PCDHA3: variants seen among roughly 807,000 people sequenced by gnomAD.
PCDHA3 encodes protocadherin alpha-3.
In PCDHA3, 41 loss-of-function variants were observed where a neutral mutation model predicts 62.2. The ratio of observed to expected loss-of-function variants is 0.66; its 90% CI spans 0.51 to 0.86. The LOEUF is 0.86. Ranked by LOEUF, PCDHA3 falls within the 40% of genes least tolerant of loss-of-function variation. The probability of loss-of-function intolerance (pLI) is 0.00; values close to 1 mark genes in which losing one functional copy is unlikely to be tolerated. For missense variants in PCDHA3, 1,304 were observed against 1,241.2 expected, an observed-to-expected ratio of 1.05 and a Z score of -0.76; for synonymous variants, 640 against 555.4, an observed-to-expected ratio of 1.15 and a Z score of -2.14.
At chr5:140,968,852 A>G (rs1554231175) in intron 1 of PCDHA3, 1 of 1,614,196 alleles carries the variant, frequency 6.2e-7, no homozygotes, top group Non-Finnish European at 8.5e-7. Flanking sequence ...GAGGCATGTT[A>G]AGAGCCCTCG....
At chr5:140,984,784 A>G (rs1022121650) in intron 3 of PCDHA3, among the ~76,000 whole-genome samples, 4 of 152,168 alleles carry the variant, frequency 2.6e-5, no homozygotes, top group Non-Finnish European at 4.4e-5. Context: ...TTGCTGGGTG[A>G]GCATAGACAA....
intron 1 of PCDHA3, chr5:140,869,884 G>C: frequency 1.9e-6 from 3 of 1,610,396 alleles, no homozygotes; most frequent in Non-Finnish European, 2.5e-6. Context: ...AGAAACTCTT[G>C]TGCTCAAACT....
Position 140,802,941 on chromosome 5 carries a change from C to T in PCDHA3, c.1744C>T (p.Pro582Ser), listed in dbSNP as rs780506250. 6.8e-6 allele frequency: 11 copies of T among 1,613,848 alleles called. No individual in the cohort carries two copies. The highest frequency in any genetic ancestry group is 7.6e-6 in the Non-Finnish European group (9 of 1,179,888). The change falls in exon 1 of 4, where the codon CCG (proline) becomes TCG (serine). Residue 582 changes from proline to serine, a missense_variant. By Grantham distance (74) the Pro-to-Ser change is moderately conservative (BLOSUM62 -1). Coordinates refer to ENST00000522353, the MANE Select transcript of PCDHA3 (RefSeq NM_018906.3). Reference sequence around the variant, plus strand: ...CGGTGGCGCAGTGAGCGAGCTGGTGCCGCGGTCAGTGGGTGCGGGCCACGT... The same window carrying T: ...CGGTGGCGCAGTGAGCGAGCTGGTGTCGCGGTCAGTGGGTGCGGGCCACGT... Reference protein sequence around the residue: ...GIGGAVSELVPRSVGAGHVVA... With the variant: ...GIGGAVSELVSRSVGAGHVVA...
intron 1 of PCDHA3, chr5:140,883,793 T>C (rs782783912): frequency 6.2e-7 from 1 of 1,612,328 alleles, no homozygotes; most frequent in South Asian, 1.1e-5. Flanking sequence ...GAGCTACGTG[T>C]CGGTGCACGC....
In PCDHA3 at chr5:140,928,366, C is replaced by T. The variant is rs73793524; in HGVS notation, c.2395-50583C>T. 1.5e-3 allele frequency: 2,439 copies of T among 1,614,110 alleles called. 35 individuals carry two copies. In the African/African-American group the frequency reaches 0.03, roughly 20 times the overall value. ...GCTGTTGGATGTTATCTCTGAAGGG[C>T]CATCAGCCTCTAGCTTGCTGGCAGT... On this transcript the variant is annotated intron_variant, in intron 1 of 3. Coordinates refer to ENST00000522353, the MANE Select transcript of PCDHA3 (RefSeq NM_018906.3).
At chr5:140,960,065 C>G (rs953730101) in intron 1 of PCDHA3, among the ~76,000 whole-genome samples, 1 of 152,120 alleles carries the variant, frequency 6.6e-6, no homozygotes, top group Non-Finnish European at 1.5e-5. Flanking sequence ...ACAGAAGATT[C>G]AATTGAAGTT....
chr5:140,881,757 A>G (rs1238055344), intron 1 of PCDHA3, among the ~76,000 whole-genome samples: 1 of 152,166 alleles, frequency 6.6e-6, no homozygotes, highest in Non-Finnish European at 1.5e-5. Flanking sequence ...TACCACAAAA[A>G]CCTACATGAC....
chr5:140,803,046 G>A lies in PCDHA3; in HGVS notation c.1849G>A (p.Gly617Ser), dbSNP rs1554122549. The change falls in exon 1 of 4, where the codon GGT becomes AGT. Residue 617 changes from glycine (G) to serine (S), a missense_variant. Gly to Ser is a moderately conservative substitution (Grantham distance 56). Transcript: ENST00000522353. Reference sequence around the variant, plus strand: ...GTATGAGCTGCAGCCTGGGACCGGCGGTGCGCGCATCCCGTTTCGCGTGGG... The same window carrying A: ...GTATGAGCTGCAGCCTGGGACCGGCAGTGCGCGCATCCCGTTTCGCGTGGG... Reference protein sequence around the residue: ...LSYELQPGTGGARIPFRVGLY... With the variant: ...LSYELQPGTGSARIPFRVGLY... 3.1e-6 allele frequency: 5 copies of A among 1,614,006 alleles called. No homozygotes were observed. The Admixed American group carries it at 6.7e-5, about 22-fold the overall frequency.
intron 1 of PCDHA3, chr5:140,843,236 G>A (rs1778700503): frequency 6.3e-7 from 1 of 1,595,846 alleles, no homozygotes; most frequent in Non-Finnish European, 8.6e-7. Flanking sequence ...TGTCCTGGAC[G>A]AAGCGGACTC....
At chr5:140,869,217 G>T in intron 1 of PCDHA3, 4 of 1,613,842 alleles carry the variant, frequency 2.5e-6, no homozygotes, top group South Asian at 2.2e-5. Flanking sequence ...TCTCGGAGGA[G>T]GCCAAACACG....
At chr5:140,805,536 A>G (rs2149985319) in intron 1 of PCDHA3, 1 of 986,254 alleles carries the variant, frequency 1.0e-6, no homozygotes, top group Non-Finnish European at 1.2e-6. Flanking sequence ...CAGGATGAAA[A>G]TAACTTTATG....
intron 1 of PCDHA3, among the ~76,000 whole-genome samples, chr5:140,914,725 T>C (rs1317424827): frequency 6.6e-6 from 1 of 152,164 alleles, no homozygotes; most frequent in African/African-American, 2.4e-5. Flanking sequence ...TTATTTTTTG[T>C]GTATCCATTG....
At position 140,823,656 on chromosome 5, in the gene PCDHA3, A is replaced by T. The variant is rs2150127966; in HGVS notation, c.2394+20065A>T. On this transcript the variant is annotated intron_variant, in intron 1 of 3. Transcript: ENST00000522353. ...TCCCGTTCCGCGTGGGGCTGTACAC[A>T]GGCGAGATCAGCACAACACGCTCTC... 9 of 1,613,854 alleles carry T rather than the reference A, an allele frequency of 5.6e-6. No homozygotes were observed. In the African/African-American group the frequency reaches 8.0e-5, roughly 14 times the overall value.
Position 140,904,868 on chromosome 5 carries a change from C to T in PCDHA3, c.2395-74081C>T, listed in dbSNP as rs188578381. 2.9e-3 allele frequency among the ~76,000 whole-genome samples: 446 copies of T among 152,022 alleles called. 2 individuals are homozygous for T. Among genetic ancestry groups the T allele is most frequent in the Middle Eastern group, 0.014 (4 of 294 alleles). Reference sequence around the variant, plus strand: ...TCTTCTGAGAATTGTCTGTTTATGTCCTTAGCTCACTTTTTGATGGGATTT... The same window carrying T: ...TCTTCTGAGAATTGTCTGTTTATGTTCTTAGCTCACTTTTTGATGGGATTT... On this transcript the variant is annotated intron_variant, in intron 1 of 3. Transcript: ENST00000522353.
chr5:140,969,310 T>C, intron 1 of PCDHA3: 2 of 1,614,198 alleles, frequency 1.2e-6, no homozygotes, highest in East Asian at 2.2e-5. Context: ...TTCTCAAAAA[T>C]GAGGCTGTTT....
chr5:140,883,724 G>T (rs1174982763), intron 1 of PCDHA3: 2 of 1,613,492 alleles, frequency 1.2e-6, no homozygotes, highest in Non-Finnish European at 1.7e-6. Context: ...GGACGCACAG[G>T]AGAACGCGCT....
intron 1 of PCDHA3, chr5:140,857,557 G>A: frequency 6.3e-7 from 1 of 1,596,936 alleles, no homozygotes; most frequent in Non-Finnish European, 8.6e-7. Flanking sequence ...AGCGCTCGCT[G>A]TCGAGCTACG....
At chr5:140,946,038 G>T (rs782421286) in intron 1 of PCDHA3, among the ~76,000 whole-genome samples, 29 of 152,042 alleles carry the variant, frequency 1.9e-4, no homozygotes, top group Non-Finnish European at 4.0e-4. Flanking sequence ...CAAGAGTGAA[G>T]GGACAATCCA....
rs1554122041 is a variant in PCDHA3, at chr5:140,802,327, G to A, written c.1130G>A (p.Arg377His). 1 of 1,614,202 alleles carries A rather than the reference G, an allele frequency of 6.2e-7. No homozygotes were observed. Among genetic ancestry groups the A allele is most frequent in the South Asian group, 1.1e-5 (1 of 91,078 alleles). Residue 377 changes from arginine (R) to histidine (H), a missense_variant, in exon 1 of 4, where the codon CGC (arginine) becomes CAC (histidine). By Grantham distance (29) the Arg-to-His change is conservative. Coordinates refer to ENST00000522353, the MANE Select transcript of PCDHA3 (RefSeq NM_018906.3). ...ATCGCTCTGATCAGCGTGTCCGACC[G>A]CGACTCAGGAGTCAATGGACAGGTC... ...TVIALISVSD[R>H]DSGVNGQVTC...
Sources: gnomAD v4.1 joint callset for allele counts (sites outside exome capture counted in the v4.1 genomes callset) on GRCh38, gnomAD v4.1.1 for gene constraint, MANE v1.5 for transcripts, NCBI Gene and HGNC (gene_info 2026-07-23, HGNC 2026-07-21) for gene names.